NIM1K: variants seen among roughly 807,000 people sequenced by gnomAD.
NIM1K encodes the protein serine/threonine-protein kinase NIM1.
A neutral mutation model predicts 37.1 loss-of-function variants in NIM1K; 35 were observed. That is an observed-to-expected ratio of 0.94 (90% CI 0.72 to 1.25). The LOEUF (loss-of-function observed/expected upper bound fraction) is 1.25. Among genes scored for constraint, NIM1K ranks in the 50% most tolerant of loss-of-function variants. The pLI is 0.00. For synonymous variants in NIM1K, 234 were observed against 206.6 expected, an observed-to-expected ratio of 1.13 and a Z score of -1.14; for missense variants, 564 against 548.0, an observed-to-expected ratio of 1.03 and a Z score of -0.29.
intron 1 of NIM1K, among the ~76,000 whole-genome samples, chr5:43,202,154 T>C (rs1352799730): frequency 6.6e-6 from 1 of 152,126 alleles, no homozygotes; most frequent in Non-Finnish European, 1.5e-5. Flanking sequence ...TTTTTTTTCT[T>C]AGCTTGACTT....
In NIM1K at chr5:43,280,389, G is replaced by A. The variant is rs1346670768; in HGVS notation, c.971G>A (p.Trp324Ter). 1.9e-6 allele frequency: 3 copies of A among 1,613,964 alleles called. No homozygotes were observed. Among genetic ancestry groups the A allele is most frequent in the Non-Finnish European group, 1.7e-6 (2 of 1,179,998 alleles). ...ATCGACTGCATCATGAATGATGAAT[G>A]GATGCAAGGGGTGCCATACCCTACA... Reference protein sequence around the residue: ...YGIDCIMNDEWMQGVPYPTPL... With the variant: ...YGIDCIMNDE Residue 324 changes from tryptophan to a stop codon, truncating the protein, a stop_gained, in exon 4 of 4, where the codon TGG (tryptophan) becomes TAG (stop). Coordinates refer to ENST00000326035, the MANE Select transcript of NIM1K (RefSeq NM_153361.4). LOFTEE classifies it high-confidence loss of function.
At chr5:43,279,096 C>T (rs572076015) in intron 3 of NIM1K, among the ~76,000 whole-genome samples, 28 of 152,334 alleles carry the variant, frequency 1.8e-4, no homozygotes, top group African/African-American at 6.5e-4. Context: ...TGCCATTTCT[C>T]CAACGCTCTG....
chr5:43,208,716 A>G (rs1561073397), intron 1 of NIM1K, among the ~76,000 whole-genome samples: 2 of 152,248 alleles, frequency 1.3e-5, no homozygotes, highest in African/African-American at 2.4e-5. Flanking sequence ...GGGAAATAAA[A>G]CTTAAGGAAT....
At chr5:43,248,596 C>A (rs575980746) in intron 2 of NIM1K, among the ~76,000 whole-genome samples, 1 of 151,936 alleles carries the variant, frequency 6.6e-6, no homozygotes, top group African/African-American at 2.4e-5. Context: ...TCCAGAGAAA[C>A]GGCACCAATA....
chr5:43,252,603 G>GTA (rs1752881643), intron 2 of NIM1K, among the ~76,000 whole-genome samples: 1 of 151,548 alleles, frequency 6.6e-6, no homozygotes, highest in African/African-American at 2.4e-5. Context: ...GAAATACAAA[G>GTA]CACCAAGTGC....
In NIM1K at chr5:43,277,236, C is replaced by G; in HGVS notation, c.472C>G (p.Leu158Val). The G allele has an allele frequency of 6.8e-6, 11 of 1,614,038 alleles. No individual in the cohort carries two copies. The highest frequency in any genetic ancestry group is 9.3e-6 in the Non-Finnish European group (11 of 1,179,998). Reference sequence around the variant, plus strand: ...GATGGAGTATGCAGGGGGTGGGGAGCTCTTCGGAAAAATTAGCACTGAGGG... The same window carrying G: ...GATGGAGTATGCAGGGGGTGGGGAGGTCTTCGGAAAAATTAGCACTGAGGG... ...LVMEYAGGGE[L>V]FGKISTEGKL... Residue 158 changes from leucine to valine, a missense_variant, in exon 3 of 4, where the codon CTC becomes GTC. Physicochemically the swap from Leu to Val is conservative, Grantham distance 32. Transcript: ENST00000326035.
chr5:43,241,134 A>AT (rs377558686), intron 1 of NIM1K, among the ~76,000 whole-genome samples: 47 of 150,160 alleles, frequency 3.1e-4, no homozygotes, highest in Admixed American at 7.3e-4. Context: ...CACTATCAAA[A>AT]TTTTTTTTTT....
At chr5:43,203,624 T>C (rs1165318906) in intron 1 of NIM1K, among the ~76,000 whole-genome samples, 1 of 152,184 alleles carries the variant, frequency 6.6e-6, no homozygotes. Context: ...TAAACTTAAT[T>C]TGGCTAAGGT....
chr5:43,237,034 C>T (rs1752632612), intron 1 of NIM1K, among the ~76,000 whole-genome samples: 1 of 152,198 alleles, frequency 6.6e-6, no homozygotes, highest in Non-Finnish European at 1.5e-5. Flanking sequence ...GATGAATTTG[C>T]TAATTATTCT....
intron 1 of NIM1K, among the ~76,000 whole-genome samples, chr5:43,220,749 T>C (rs1423299499): frequency 6.6e-6 from 1 of 152,238 alleles, no homozygotes; most frequent in Non-Finnish European, 1.5e-5. Flanking sequence ...CCATTTCCTC[T>C]TTTCCTTTGT....
intron 1 of NIM1K, among the ~76,000 whole-genome samples, chr5:43,204,614 A>G (rs965631098): frequency 6.6e-6 from 1 of 151,774 alleles, no homozygotes; most frequent in Non-Finnish European, 1.5e-5. Context: ...CGGAGGAACA[A>G]GAATCAGTTG....
intron 1 of NIM1K, among the ~76,000 whole-genome samples, chr5:43,211,037 T>C (rs1477385473): frequency 6.6e-6 from 1 of 152,184 alleles, no homozygotes; most frequent in Non-Finnish European, 1.5e-5. Context: ...CCAGGCATGA[T>C]GGCAGGTGCC....
At chr5:43,217,708 A>ATTTTTTTTTTTT (rs71608698) in intron 1 of NIM1K, among the ~76,000 whole-genome samples, 1 of 93,650 alleles carries the variant, frequency 1.1e-5, no homozygotes, top group Non-Finnish European at 2.0e-5. Context: ...TCCTCTGTCT[A>ATTTTTTTTTTTT]TTTTTTTTTT....
chr5:43,239,014 T>C (rs1752659755), intron 1 of NIM1K, among the ~76,000 whole-genome samples: 1 of 151,644 alleles, frequency 6.6e-6, no homozygotes, highest in South Asian at 2.1e-4. Flanking sequence ...ATGATTTTGA[T>C]CCTGCTTTAT....
chr5:43,262,344 C>T (rs1753044307), intron 2 of NIM1K, among the ~76,000 whole-genome samples: 1 of 152,054 alleles, frequency 6.6e-6, no homozygotes, highest in Non-Finnish European at 1.5e-5. Context: ...AAGTTGGATT[C>T]CTAGGTATTT....
chr5:43,223,071 A>G (rs546663555), intron 1 of NIM1K, among the ~76,000 whole-genome samples: 6 of 149,088 alleles, frequency 4.0e-5, no homozygotes, highest in Non-Finnish European at 8.9e-5. Flanking sequence ...CTTGGGAGGC[A>G]GAGGTTGCAG....
At chr5:43,247,347 A>G (rs1488128460) in intron 2 of NIM1K, among the ~76,000 whole-genome samples, 1 of 152,204 alleles carries the variant, frequency 6.6e-6, no homozygotes, top group Non-Finnish European at 1.5e-5. Flanking sequence ...CTTACTTCAT[A>G]CGGTATCATA....
At chr5:43,256,937 T>G (rs973805813) in intron 2 of NIM1K, among the ~76,000 whole-genome samples, 19 of 152,198 alleles carry the variant, frequency 1.2e-4, no homozygotes, top group African/African-American at 4.6e-4. Context: ...TGCTTGCACT[T>G]GAACCTCTGC....
chr5:43,195,305 TATTATACAGC>T (rs1329804813), intron 1 of NIM1K, among the ~76,000 whole-genome samples: 1 of 152,196 alleles, frequency 6.6e-6, no homozygotes, highest in Non-Finnish European at 1.5e-5. Flanking sequence ...GCTTAGCCAT[TATTATACAGC>T]ATCCTGAGGA....
Sources: allele counts gnomAD v4.1 joint callset (sites outside exome capture counted in the v4.1 genomes callset), GRCh38; gene constraint gnomAD v4.1.1; transcripts MANE v1.5; gene names NCBI Gene and HGNC (gene_info 2026-07-23, HGNC 2026-07-21).